LAMA2: variants seen among roughly 807,000 people sequenced by gnomAD.
LAMA2 encodes the protein laminin subunit alpha 2.
A neutral mutation model predicts 364.8 loss-of-function variants in LAMA2; 269 were observed. That is an observed-to-expected ratio of 0.74 (90% confidence interval 0.67 to 0.82). The LOEUF is 0.82. LAMA2 is among the 40% of genes least tolerant of loss of function. The pLI is 0.00. For synonymous variants in LAMA2, 1,379 were observed against 1,370.6 expected (o/e 1.01, Z -0.14); for missense variants, 3,807 against 3,873.2 (o/e 0.98, Z 0.45).
intron 12 of LAMA2, among the ~76,000 whole-genome samples, chr6:129,246,987 G>A (rs1785795485): frequency 6.6e-6 from 1 of 152,108 alleles, no homozygotes; most frequent in African/African-American, 2.4e-5. Flanking sequence ...ACTCTTTGGG[G>A]AAGACACAAC....
At chr6:129,021,204 A>C (rs1785428128) in intron 1 of LAMA2, among the ~76,000 whole-genome samples, 1 of 152,206 alleles carries the variant, frequency 6.6e-6, no homozygotes, top group African/African-American at 2.4e-5. Context: ...TAGACCCCTG[A>C]TTGCCAAATT....
intron 1 of LAMA2, among the ~76,000 whole-genome samples, chr6:128,948,773 C>T (rs114984669): frequency 1.6e-3 from 250 of 152,174 alleles, no homozygotes; most frequent in African/African-American, 5.8e-3. Flanking sequence ...GGGATCTCCC[C>T]CTGCTCTCTC....
Position 129,514,545 on chromosome 6 carries a change from C to T in LAMA2, c.9161C>T (p.Ala3054Val). 6.2e-7 allele frequency: 1 copy of T among 1,614,180 alleles called. No individual in the cohort carries two copies. Residue 3054 changes from alanine to valine, a missense_variant, in exon 64 of 65, where the codon GCA becomes GTA. By Grantham distance (64) the Ala-to-Val change is moderately conservative (BLOSUM62 0). This residue lies in a region of LAMA2 where 3,333 missense variants were observed against 3,345.7 expected (regional missense o/e 1.00). Coordinates refer to ENST00000421865, the MANE Select transcript of LAMA2 (RefSeq NM_000426.4). ...GTGGAAGCCCAAAGCCCAAACCCAGCATCTACATCAGCTGACACAAATGAC... is the reference window on the plus strand; with the variant it reads ...GTGGAAGCCCAAAGCCCAAACCCAGTATCTACATCAGCTGACACAAATGAC... ...NQVEAQSPNP[A>V]STSADTNDPV...
intron 4 of LAMA2, among the ~76,000 whole-genome samples, chr6:129,102,870 G>A (rs564656493): frequency 6.6e-6 from 1 of 152,306 alleles, no homozygotes; most frequent in East Asian, 1.9e-4. Flanking sequence ...TCAAAGCATT[G>A]CTATAACCCA....
chr6:129,472,003 A>G (rs2114821534), intron 51 of LAMA2, among the ~76,000 whole-genome samples: 1 of 152,104 alleles, frequency 6.6e-6, no homozygotes, highest in Middle Eastern at 3.4e-3. Context: ...CTGAAAGATG[A>G]TGAGTTGAGT....
chr6:129,140,481 C>G (rs1285176965), intron 4 of LAMA2, among the ~76,000 whole-genome samples: 3 of 151,942 alleles, frequency 2.0e-5, no homozygotes, highest in African/African-American at 7.2e-5. Flanking sequence ...GAACATACAC[C>G]CACCAACATG....
intron 4 of LAMA2, among the ~76,000 whole-genome samples, chr6:129,123,303 C>T (rs111348255): frequency 0.06 from 8,633 of 144,954 alleles, 434 homozygotes; most frequent in African/African-American, 0.14. Context: ...AAGACTCTGT[C>T]TCAAAAAAAA....
At chr6:128,913,855 T>C (rs938771080) in intron 1 of LAMA2, among the ~76,000 whole-genome samples, 17 of 152,154 alleles carry the variant, frequency 1.1e-4, no homozygotes, top group Non-Finnish European at 1.0e-4. Flanking sequence ...TCGTCTGTTA[T>C]GGAAACGCTC....
intron 9 of LAMA2, among the ~76,000 whole-genome samples, chr6:129,169,073 G>T (rs372157577): frequency 6.6e-6 from 1 of 152,066 alleles, no homozygotes; most frequent in African/African-American, 2.4e-5. Flanking sequence ...TGAGACAATG[G>T]GGTTTTCTAG....
In LAMA2 at chr6:129,313,074, C is replaced by A; in HGVS notation, c.3388C>A (p.Gln1130Lys). 1 of 1,608,676 alleles carries A rather than the reference C, an allele frequency of 6.2e-7. No homozygotes were observed. Among genetic ancestry groups the A allele is most frequent in the South Asian group, 1.1e-5 (1 of 90,842 alleles). ...GACTAAAAAATGCTCCTGTAGTGAT[C>A]AAACTGGGCAGTGCACTTGTAAGGT... ...SETKKCSCSDQTGQCTCKVNV... is the reference protein window; with the variant it reads ...SETKKCSCSDKTGQCTCKVNV... The change falls in exon 23 of 65, where the codon CAA becomes AAA. Residue 1130 changes from glutamine to lysine, a missense_variant. Gln to Lys is a moderately conservative substitution (Grantham distance 53, BLOSUM62 1). Coordinates refer to ENST00000421865, the MANE Select transcript of LAMA2 (RefSeq NM_000426.4).
chr6:129,045,347 T>G (rs1787401934), intron 1 of LAMA2, among the ~76,000 whole-genome samples: 1 of 152,152 alleles, frequency 6.6e-6, no homozygotes, highest in African/African-American at 2.4e-5. Context: ...GAGGGATAAG[T>G]TATTTGTTTT....
intron 1 of LAMA2, among the ~76,000 whole-genome samples, chr6:128,911,373 G>A (rs576400894): frequency 6.6e-6 from 1 of 152,312 alleles, no homozygotes; most frequent in Non-Finnish European, 1.5e-5. Flanking sequence ...GAAAGGCGCA[G>A]TATTCGGGTG....
At chr6:129,392,766 T>C (rs1192976757) in intron 36 of LAMA2, among the ~76,000 whole-genome samples, 1 of 152,224 alleles carries the variant, frequency 6.6e-6, no homozygotes, top group Non-Finnish European at 1.5e-5. Context: ...ACTCATTTCA[T>C]CAATCAGATT....
chr6:129,135,038 A>G (rs79455967), intron 4 of LAMA2, among the ~76,000 whole-genome samples: 7,186 of 152,236 alleles, frequency 0.047, 578 homozygotes, highest in African/African-American at 0.16. Flanking sequence ...CAGGTCCTAC[A>G]TGGTGACCTA....
In LAMA2 at chr6:129,165,659, G is replaced by C. The variant is rs574880101; in HGVS notation, c.1290G>C (p.Glu430Asp). 1.2e-6 allele frequency: 2 copies of C among 1,609,160 alleles called. No homozygotes were observed. Among genetic ancestry groups the C allele is most frequent in the East Asian group, 2.2e-5 (1 of 44,846 alleles). The change falls in exon 9 of 65, where the codon GAG becomes GAC. Residue 430 changes from glutamate (E) to aspartate (D), a missense_variant. Transcript: ENST00000421865. ...GSLNEVCVKDEKHARRGLAPG... is the reference protein window; with the variant it reads ...GSLNEVCVKDDKHARRGLAPG... The stretch of plus-strand genomic sequence containing the variant: ...TAAATGAAGTCTGTGTCAAGGATGA[G>C]AAACATGCTCGACGAGGTGAGAGCT...
chr6:129,514,249 T>C, intron 63 of LAMA2, 124 bp from the exon 64 acceptor site: 1 of 789,186 alleles, frequency 1.3e-6, no homozygotes, highest in South Asian at 1.5e-5. Context: ...ATATGCCCAG[T>C]TACATCCATT....
At chr6:129,257,717 G>A (rs1786802360) in intron 14 of LAMA2, among the ~76,000 whole-genome samples, 1 of 152,078 alleles carries the variant, frequency 6.6e-6, no homozygotes, top group Non-Finnish European at 1.5e-5. Context: ...GGTTTATCAA[G>A]TGACAGTCCA....
chr6:129,487,230 C>G (rs1438524799), intron 56 of LAMA2, among the ~76,000 whole-genome samples: 2 of 152,204 alleles, frequency 1.3e-5, no homozygotes, highest in East Asian at 3.9e-4. Flanking sequence ...TACAAATCTA[C>G]CAGAGTGCTT....
At chr6:128,904,002 G>A (rs938864171) in intron 1 of LAMA2, among the ~76,000 whole-genome samples, 3 of 152,210 alleles carry the variant, frequency 2.0e-5, no homozygotes, top group Admixed American at 1.3e-4. Context: ...GACCTAAAGA[G>A]GCAACTCCCG....
Sources: gnomAD v4.1 joint callset for allele counts (sites outside exome capture counted in the v4.1 genomes callset) on GRCh38, gnomAD v4.1.1 for gene constraint, gnomAD v4.1.1 regional missense constraint, MANE v1.5 for transcripts, NCBI Gene and HGNC (gene_info 2026-07-23, HGNC 2026-07-21) for gene names.